The following SLC16A7 variants were observed in gnomAD, a reference collection of about 807,000 sequenced individuals.
SLC16A7 encodes monocarboxylate transporter 2.
In SLC16A7, 33 loss-of-function variants were observed where a neutral mutation model predicts 34.9. The observed-to-expected ratio is 0.94, with a 90% confidence interval of 0.72 to 1.26. The LOEUF is 1.26. Among genes scored for constraint, SLC16A7 ranks in the 50% most tolerant of loss-of-function variants. The pLI is 0.00. For synonymous variants in SLC16A7, 201 were observed against 206.6 expected (o/e 0.97, Z 0.23); for missense variants, 573 against 578.1 (o/e 0.99, Z 0.09).
chr12:59,764,782 G>T (rs555858032), intron 3 of SLC16A7, among the ~76,000 whole-genome samples: 30 of 152,016 alleles, frequency 2.0e-4, no homozygotes, highest in Middle Eastern at 6.8e-3. Flanking sequence ...GAATAGTGCC[G>T]CAATAAACAT....
At chr12:59,653,696 G>T (rs1250974157) in intron 1 of SLC16A7, among the ~76,000 whole-genome samples, 1 of 151,406 alleles carries the variant, frequency 6.6e-6, no homozygotes, top group Non-Finnish European at 1.5e-5. Context: ...TATATACATG[G>T]TCTACTTATT....
chr12:59,749,775 A>G (rs1467366783), intron 3 of SLC16A7, among the ~76,000 whole-genome samples: 1 of 152,246 alleles, frequency 6.6e-6, no homozygotes, highest in Non-Finnish European at 1.5e-5. Context: ...AGAAATCATG[A>G]AAGAGATTGT....
chr12:59,725,938 A>T (rs1238116290), intron 3 of SLC16A7, among the ~76,000 whole-genome samples: 1 of 152,114 alleles, frequency 6.6e-6, no homozygotes, highest in African/African-American at 2.4e-5. Flanking sequence ...TCTTTTTTTC[A>T]GAGGTGACTA....
intron 3 of SLC16A7, among the ~76,000 whole-genome samples, chr12:59,725,040 A>G (rs1222323905): frequency 6.8e-6 from 1 of 146,802 alleles, no homozygotes; most frequent in African/African-American, 2.8e-5. Context: ...TATAATTCCA[A>G]AAATATTGTT....
intron 3 of SLC16A7, among the ~76,000 whole-genome samples, chr12:59,729,667 A>G (rs372145379): frequency 4.7e-4 from 72 of 152,310 alleles, no homozygotes; most frequent in African/African-American, 1.7e-3. Flanking sequence ...AAAAGATTAC[A>G]TAGCAAAGGG....
chr12:59,754,547 A>G (rs1377282906), intron 3 of SLC16A7, among the ~76,000 whole-genome samples: 1 of 152,224 alleles, frequency 6.6e-6, no homozygotes, highest in East Asian at 1.9e-4. Context: ...CCCTCCCAAG[A>G]CTAAACCAGG....
chr12:59,656,700 A>C (rs967901674), intron 2 of SLC16A7, among the ~76,000 whole-genome samples: 1 of 152,022 alleles, frequency 6.6e-6, no homozygotes, highest in Non-Finnish European at 1.5e-5. Context: ...ACAGCCTCAG[A>C]GTAGAAACAG....
At position 59,785,026 on chromosome 12, in the gene SLC16A7, A is replaced by C. The variant is rs1883513417; in HGVS notation, c.*5347A>C. 6.6e-6 allele frequency: 1 copy of C among 152,164 alleles called. No homozygotes were observed. Among genetic ancestry groups the C allele is most frequent in the Non-Finnish European group, 1.5e-5 (1 of 68,020 alleles). The allele number at this position is 152,164 out of a possible 1,614,324, so 9.4% of individuals were successfully genotyped here. On this transcript the variant is annotated 3_prime_UTR_variant, in exon 6 of 6. Coordinates refer to ENST00000547379, the MANE Select transcript of SLC16A7 (RefSeq NM_001270623.2). ...TTGAGAATATAAGATTAATATTACAAACTTGACTTTACTCATCTCTCTTTA... is the reference window on the plus strand; with the variant it reads ...TTGAGAATATAAGATTAATATTACACACTTGACTTTACTCATCTCTCTTTA...
chr12:59,650,308 G>A lies in SLC16A7; in HGVS notation c.-129-4844G>A, dbSNP rs141129218. Among the ~76,000 whole-genome samples the A allele has an allele frequency of 6.1e-3, 925 of 152,234 alleles. 9 individuals are homozygous for A. The highest frequency in any genetic ancestry group is 0.021 in the African/African-American group (870 of 41,530). On this transcript the variant is annotated intron_variant, in intron 1 of 5. Transcript: ENST00000547379. ...AATTCTAAGCATACAATTCATCAAA[G>A]TTTAGCACTAGAAGTGTTTTTATAC...
At position 59,596,875 on chromosome 12, in the gene SLC16A7, A is replaced by G. The variant is rs1315395686; in HGVS notation, c.-130+639A>G. On this transcript the variant is annotated intron_variant, in intron 1 of 5. Transcript: ENST00000547379. The surrounding 1 kb of genome is among the most constrained non-coding windows in gnomAD (Gnocchi z 5.0). ...GGAAGGATGGCAGGGGTGGAAGCAG[A>G]TGGAAAACTATATGCGGGCGAGGCC... 2.0e-5 allele frequency among the ~76,000 whole-genome samples: 3 copies of G among 152,150 alleles called. No homozygotes were observed. Among genetic ancestry groups the G allele is most frequent in the Non-Finnish European group, 2.9e-5 (2 of 68,032 alleles).
intron 3 of SLC16A7, among the ~76,000 whole-genome samples, chr12:59,738,865 CT>C (rs1470691717): frequency 6.7e-6 from 1 of 150,362 alleles, no homozygotes; most frequent in Non-Finnish European, 1.5e-5. Flanking sequence ...TTATTAAGGT[CT>C]TCATGTTTAT....
chr12:59,729,262 G>A (rs1427430006), intron 3 of SLC16A7, among the ~76,000 whole-genome samples: 4 of 152,146 alleles, frequency 2.6e-5, no homozygotes, highest in African/African-American at 9.7e-5. Flanking sequence ...AACATCGAAG[G>A]AATCTATTGG....
intron 2 of SLC16A7, among the ~76,000 whole-genome samples, chr12:59,698,563 T>A (rs1307276186): frequency 6.6e-6 from 1 of 151,856 alleles, no homozygotes; most frequent in Non-Finnish European, 1.5e-5. Context: ...CTGATCATGA[T>A]TGTACAGTTT....
chr12:59,610,900 TAGACTG>T (rs1250112075), intron 1 of SLC16A7, among the ~76,000 whole-genome samples: 1 of 152,234 alleles, frequency 6.6e-6, no homozygotes, highest in Non-Finnish European at 1.5e-5. Flanking sequence ...CAAAGTACCA[TAGACTG>T]AGTGCTTATA....
rs1868328655 is a variant in SLC16A7, at chr12:59,650,691, C to G, written c.-129-4461C>G. Among the ~76,000 whole-genome samples, 4 of 152,180 alleles carry G rather than the reference C, an allele frequency of 2.6e-5. No homozygotes were observed. In the South Asian group the frequency reaches 8.3e-4, roughly 32 times the overall value. ...TAGTTATGTCCCAGGAATGGATCTG[C>G]TTTGGTATCCCTGCTGTGCTCAGGC... On this transcript the variant is annotated intron_variant, in intron 1 of 5. Transcript: ENST00000547379.
chr12:59,696,739 G>T (rs552711702), intron 2 of SLC16A7, among the ~76,000 whole-genome samples: 2 of 151,904 alleles, frequency 1.3e-5, no homozygotes, highest in Non-Finnish European at 2.9e-5. Context: ...GTTGGAATTG[G>T]AATTTTTGGA....
At chr12:59,762,591 C>A (rs1428600173) in intron 3 of SLC16A7, among the ~76,000 whole-genome samples, 1 of 152,000 alleles carries the variant, frequency 6.6e-6, no homozygotes, top group Non-Finnish European at 1.5e-5. Context: ...CTTTCTACTA[C>A]AAATTTTTGC....
intron 2 of SLC16A7, among the ~76,000 whole-genome samples, chr12:59,675,453 G>A (rs1204864040): frequency 2.0e-5 from 3 of 151,896 alleles, no homozygotes; most frequent in African/African-American, 7.3e-5. Flanking sequence ...ACCTGACCAT[G>A]TGGCACTCAG....
intron 3 of SLC16A7, 22 bp downstream of exon 3, chr12:59,705,040 G>A: frequency 6.8e-7 from 1 of 1,479,196 alleles, no homozygotes; most frequent in Non-Finnish European, 9.4e-7. Flanking sequence ...GCAATAAATA[G>A]AATCCTGAAT....
Sources: allele counts gnomAD v4.1 joint callset (sites outside exome capture counted in the v4.1 genomes callset), GRCh38; gene constraint gnomAD v4.1.1; non-coding constraint Gnocchi (gnomAD v3.1); transcripts MANE v1.5; gene names NCBI Gene and HGNC (gene_info 2026-07-23, HGNC 2026-07-21).